Variants in CFAP299 observed in about 807,000 individuals in gnomAD.
CFAP299 encodes the protein cilia and flagella associated protein 299.
CFAP299 carries 21 observed loss-of-function variants against 27.0 expected under a neutral mutation model. The ratio of observed to expected loss-of-function variants is 0.78; its 90% CI spans 0.55 to 1.12. The LOEUF (loss-of-function observed/expected upper bound fraction) is 1.12, where lower values mean the gene tolerates loss of function less well. Ranked by LOEUF, CFAP299 falls within the 50% of genes most tolerant of loss-of-function variation. The pLI is 0.00. For synonymous variants in CFAP299, 104 were observed against 98.1 expected (o/e 1.06, Z -0.36); for missense variants, 310 against 276.6 (o/e 1.12, Z -0.86).
chr4:80,800,685 A>T (rs1023711886), intron 3 of CFAP299, among the ~76,000 whole-genome samples: 2 of 116,740 alleles, frequency 1.7e-5, no homozygotes, highest in Non-Finnish European at 3.3e-5. Context: ...TATATGATAT[A>T]TTATATATAT....
At chr4:80,548,461 A>T (rs1734348157) in intron 2 of CFAP299, among the ~76,000 whole-genome samples, 1 of 152,128 alleles carries the variant, frequency 6.6e-6, no homozygotes. Context: ...TGGCGATGGG[A>T]TTATTCGTAT....
At position 80,873,486 on chromosome 4, in the gene CFAP299, G is replaced by A. The variant is rs74545377; in HGVS notation, c.476+3351G>A. Reference sequence around the variant, plus strand: ...TACTTTCTTTTTGACACACTTGTGAGTAATTATAAGTGGATAGCAGGTTAC... The same window carrying A: ...TACTTTCTTTTTGACACACTTGTGAATAATTATAAGTGGATAGCAGGTTAC... On this transcript the variant is annotated intron_variant, in intron 4 of 5. Transcript: ENST00000358105. Among the ~76,000 whole-genome samples the A allele has an allele frequency of 1.2e-4, 18 of 152,268 alleles. No homozygotes were observed. In the East Asian group the frequency reaches 3.5e-3, roughly 29 times the overall value.
At chr4:80,738,306 C>G (rs1724035840) in intron 3 of CFAP299, among the ~76,000 whole-genome samples, 2 of 152,138 alleles carry the variant, frequency 1.3e-5, no homozygotes, top group South Asian at 4.1e-4. Flanking sequence ...TCTAGGAGAT[C>G]TGTCCAATGC....
At chr4:80,909,578 T>C (rs892316559) in intron 4 of CFAP299, among the ~76,000 whole-genome samples, 2 of 152,008 alleles carry the variant, frequency 1.3e-5, no homozygotes, top group African/African-American at 4.8e-5. Context: ...TGAATCTTTC[T>C]AATATTTTCT....
At chr4:80,591,781 T>G (rs1418471741) in intron 3 of CFAP299, among the ~76,000 whole-genome samples, 1 of 152,196 alleles carries the variant, frequency 6.6e-6, no homozygotes, top group Non-Finnish European at 1.5e-5. Flanking sequence ...AATAGGGTCT[T>G]TGAATTTGGG....
At chr4:80,647,556 C>T (rs952204763) in intron 3 of CFAP299, among the ~76,000 whole-genome samples, 6 of 152,046 alleles carry the variant, frequency 3.9e-5, no homozygotes, top group Non-Finnish European at 2.9e-5. Flanking sequence ...TGAAACCCAC[C>T]GACTGTGCCC....
chr4:80,457,855 G>T (rs1729243207), intron 2 of CFAP299, among the ~76,000 whole-genome samples: 1 of 152,098 alleles, frequency 6.6e-6, no homozygotes, highest in African/African-American at 2.4e-5. Flanking sequence ...GTTTTGCCGG[G>T]CTTGTAGCTC....
At chr4:80,484,147 T>A (rs1036925052) in intron 2 of CFAP299, among the ~76,000 whole-genome samples, 7 of 152,258 alleles carry the variant, frequency 4.6e-5, no homozygotes, top group African/African-American at 1.7e-4. Flanking sequence ...GTGAGGCAAT[T>A]ATACCTATTG....
chr4:80,484,648 G>A (rs1207601063), intron 2 of CFAP299, among the ~76,000 whole-genome samples: 1 of 152,026 alleles, frequency 6.6e-6, no homozygotes, highest in Non-Finnish European at 1.5e-5. Flanking sequence ...CAGATGTATT[G>A]TTGTATTGAA....
At chr4:80,455,802 C>T (rs981835369) in intron 2 of CFAP299, among the ~76,000 whole-genome samples, 1 of 152,104 alleles carries the variant, frequency 6.6e-6, no homozygotes, top group East Asian at 1.9e-4. Context: ...ATAAATTATG[C>T]TCTTCCCATT....
chr4:80,944,937 A>C lies in CFAP299; in HGVS notation c.604A>C (p.Lys202Gln), dbSNP rs772810572. The C allele has an allele frequency of 2.5e-6, 4 of 1,610,676 alleles. No homozygotes were observed. The highest frequency in any genetic ancestry group is 3.4e-6 in the Non-Finnish European group (4 of 1,178,312). The change falls in exon 5 of 6, where the codon AAG becomes CAG. Residue 202 changes from lysine (K) to glutamine (Q), a missense_variant and splice_region_variant. Transcript: ENST00000358105. ...CAGAAAAATTCTTAATGTGGACCCA[A>C]AGGTAATTCTTCTTTTACACTTAGT... ...RDRKILNVDPKAQPGDNSTRI... is the reference protein window; with the variant it reads ...RDRKILNVDPQAQPGDNSTRI...
intron 3 of CFAP299, among the ~76,000 whole-genome samples, chr4:80,769,464 G>A (rs1376678392): frequency 6.6e-6 from 1 of 152,012 alleles, no homozygotes; most frequent in South Asian, 2.1e-4. Context: ...GTGTGATCTC[G>A]ACTCACTGCA....
At chr4:80,833,858 T>A (rs989114576) in intron 3 of CFAP299, among the ~76,000 whole-genome samples, 2 of 152,176 alleles carry the variant, frequency 1.3e-5, no homozygotes, top group Admixed American at 6.5e-5. Flanking sequence ...CAAGACAACT[T>A]CATCTCAACC....
At chr4:80,524,390 G>A (rs1050927744) in intron 2 of CFAP299, among the ~76,000 whole-genome samples, 3 of 151,910 alleles carry the variant, frequency 2.0e-5, no homozygotes, top group Non-Finnish European at 2.9e-5. Context: ...GAAGCATAGG[G>A]ATCTGTGCTG....
At chr4:80,694,977 G>T (rs1720994712) in intron 3 of CFAP299, among the ~76,000 whole-genome samples, 1 of 152,170 alleles carries the variant, frequency 6.6e-6, no homozygotes, top group African/African-American at 2.4e-5. Context: ...GGATAAAGTT[G>T]TGCTAGCAGT....
intron 2 of CFAP299, among the ~76,000 whole-genome samples, chr4:80,402,606 G>T (rs778467326): frequency 1.2e-4 from 19 of 152,086 alleles, no homozygotes; most frequent in Non-Finnish European, 2.1e-4. Flanking sequence ...GTCTTTATCA[G>T]CAGCATGAAA....
intron 3 of CFAP299, among the ~76,000 whole-genome samples, chr4:80,812,011 A>G (rs973476744): frequency 1.3e-5 from 2 of 152,164 alleles, no homozygotes; most frequent in African/African-American, 4.8e-5. Context: ...CACGTGAAAC[A>G]GGACTACAAT....
intron 3 of CFAP299, among the ~76,000 whole-genome samples, chr4:80,733,794 A>C (rs917433602): frequency 6.6e-6 from 1 of 152,092 alleles, no homozygotes; most frequent in Non-Finnish European, 1.5e-5. Context: ...AAATGATAGA[A>C]TCTTATTGTT....
intron 5 of CFAP299, among the ~76,000 whole-genome samples, chr4:80,961,515 TCTATAGGCCAATCAGAA>T (rs1375132168): frequency 6.6e-6 from 1 of 151,864 alleles, no homozygotes; most frequent in African/African-American, 2.4e-5. Context: ...ATATAAGAAC[TCTATAGGCCAATCAGAA>T]CAGAGATTCT....
Sources: gnomAD v4.1 joint callset for allele counts (sites outside exome capture counted in the v4.1 genomes callset) on GRCh38, gnomAD v4.1.1 for gene constraint, MANE v1.5 for transcripts, NCBI Gene and HGNC (gene_info 2026-07-23, HGNC 2026-07-21) for gene names.